SSBP2: variants seen among roughly 807,000 people sequenced by gnomAD.
SSBP2 encodes single-stranded DNA-binding protein 2.
Under a neutral mutation model 61.8 loss-of-function variants are expected in SSBP2, and 17 were observed. The ratio of observed to expected loss-of-function variants is 0.28; its 90% CI spans 0.19 to 0.41. The LOEUF is 0.41. Among genes scored for constraint, SSBP2 ranks in the 10% least tolerant of loss-of-function variants. SSBP2 has a pLI of 1.00. For synonymous variants in SSBP2, 139 were observed against 141.3 expected, an observed-to-expected ratio of 0.98 and a Z score of 0.12; for missense variants, 310 against 458.7, an observed-to-expected ratio of 0.68 and a Z score of 2.96.
At chr5:81,718,986 T>G (rs140344074) in intron 1 of SSBP2, among the ~76,000 whole-genome samples, 1 of 152,248 alleles carries the variant, frequency 6.6e-6, no homozygotes, top group East Asian at 1.9e-4. Context: ...AACACTAAAT[T>G]TTTGGGGGTT....
At chr5:81,733,591 ATTG>A (rs1756407153) in intron 1 of SSBP2, among the ~76,000 whole-genome samples, 1 of 152,230 alleles carries the variant, frequency 6.6e-6, no homozygotes, top group African/African-American at 2.4e-5. Context: ...AGCCCCAGGA[ATTG>A]TTGTCTTTAA....
At chr5:81,697,016 A>G (rs1753648633) in intron 1 of SSBP2, among the ~76,000 whole-genome samples, 1 of 152,252 alleles carries the variant, frequency 6.6e-6, no homozygotes, top group Admixed American at 6.5e-5. Flanking sequence ...CAGTTAAGAA[A>G]GAATACAGGG....
chr5:81,574,019 T>C (rs1774023186), intron 4 of SSBP2, among the ~76,000 whole-genome samples: 1 of 152,054 alleles, frequency 6.6e-6, no homozygotes, highest in Non-Finnish European at 1.5e-5. Context: ...TGGGTGCCTG[T>C]AGTCCCAGCT....
intron 4 of SSBP2, among the ~76,000 whole-genome samples, chr5:81,528,271 A>AGTATCTTAAATCTAAG (rs1395010261): frequency 3.9e-5 from 6 of 152,202 alleles, no homozygotes; most frequent in Non-Finnish European, 2.9e-5. Context: ...AGAATTAATA[A>AGTATCTTAAATCTAAG]GTATCTTAAA....
chr5:81,556,209 T>C (rs1031049644), intron 4 of SSBP2, among the ~76,000 whole-genome samples: 6 of 152,242 alleles, frequency 3.9e-5, no homozygotes, highest in African/African-American at 1.2e-4. Flanking sequence ...GACCTTTTCC[T>C]ACCAATACAG....
At chr5:81,701,226 G>A (rs929222929) in intron 1 of SSBP2, among the ~76,000 whole-genome samples, 2 of 152,116 alleles carry the variant, frequency 1.3e-5, no homozygotes, top group Non-Finnish European at 2.9e-5. Context: ...GAAGAGAGAT[G>A]GGAAACAGCT....
intron 3 of SSBP2, among the ~76,000 whole-genome samples, chr5:81,632,927 A>C (rs1747862313): frequency 6.6e-6 from 1 of 152,096 alleles, no homozygotes; most frequent in Admixed American, 6.5e-5. Flanking sequence ...TCAGCTTTAT[A>C]AGTCATTGAT....
intron 5 of SSBP2, among the ~76,000 whole-genome samples, chr5:81,507,855 C>T (rs1459654625): frequency 1.3e-5 from 2 of 152,048 alleles, no homozygotes; most frequent in Non-Finnish European, 2.9e-5. Flanking sequence ...AGTTAATAAT[C>T]TAATTTTTTA....
At chr5:81,532,140 G>A (rs961541110) in intron 4 of SSBP2, among the ~76,000 whole-genome samples, 2 of 152,052 alleles carry the variant, frequency 1.3e-5, no homozygotes, top group Non-Finnish European at 2.9e-5. Context: ...TGTTGGAAAT[G>A]TACACCTAAA....
chr5:81,598,150 G>C (rs906816742), intron 4 of SSBP2, among the ~76,000 whole-genome samples: 1 of 151,708 alleles, frequency 6.6e-6, no homozygotes, highest in African/African-American at 2.4e-5. Context: ...TATCAAGCAA[G>C]GAACAAAATC....
At chr5:81,555,389 A>T (rs1285617418) in intron 4 of SSBP2, among the ~76,000 whole-genome samples, 2 of 152,048 alleles carry the variant, frequency 1.3e-5, no homozygotes, top group Non-Finnish European at 2.9e-5. Flanking sequence ...ATTTTCAGGG[A>T]CTACTCATAT....
intron 4 of SSBP2, among the ~76,000 whole-genome samples, chr5:81,534,093 C>G (rs551075905): frequency 6.6e-6 from 1 of 152,182 alleles, no homozygotes; most frequent in Admixed American, 6.5e-5. Flanking sequence ...TCAAATCCAG[C>G]CCACTCTAGC....
intron 4 of SSBP2, among the ~76,000 whole-genome samples, chr5:81,605,212 T>C (rs188746143): frequency 1.1e-3 from 174 of 152,212 alleles, no homozygotes; most frequent in African/African-American, 3.9e-3. Flanking sequence ...AGCACCACTA[T>C]AGTAAAATAA....
intron 3 of SSBP2, among the ~76,000 whole-genome samples, chr5:81,631,075 T>C (rs1747660199): frequency 6.6e-6 from 1 of 152,316 alleles, no homozygotes; most frequent in Non-Finnish European, 1.5e-5. Flanking sequence ...ACAGGCTAGA[T>C]CTGGATATCA....
intron 1 of SSBP2, among the ~76,000 whole-genome samples, chr5:81,705,967 C>T (rs1754355021): frequency 6.6e-6 from 1 of 152,168 alleles, no homozygotes; most frequent in African/African-American, 2.4e-5. Context: ...ACACAACTAC[C>T]AATCAACCCA....
intron 6 of SSBP2, among the ~76,000 whole-genome samples, chr5:81,476,366 G>A (rs752137188): frequency 6.6e-6 from 1 of 151,984 alleles, no homozygotes; most frequent in Non-Finnish European, 1.5e-5. Context: ...ACATTTAGTT[G>A]TCCTGTCTCT....
chr5:81,427,018 T>C (rs1043993208), intron 16 of SSBP2, among the ~76,000 whole-genome samples: 23 of 152,220 alleles, frequency 1.5e-4, no homozygotes, highest in Admixed American at 5.2e-4. Context: ...GGTGTTATAT[T>C]TATTTCAGAA....
At chr5:81,465,694 G>A (rs1271708400) in intron 9 of SSBP2, among the ~76,000 whole-genome samples, 1 of 151,952 alleles carries the variant, frequency 6.6e-6, no homozygotes, top group African/African-American at 2.4e-5. Context: ...ATGTGGGTAT[G>A]TTTTATATAC....
intron 12 of SSBP2, among the ~76,000 whole-genome samples, chr5:81,445,138 T>TTATATACATA (rs1763302255): frequency 5.9e-5 from 2 of 33,896 alleles, no homozygotes; most frequent in African/African-American, 2.1e-4. Context: ...AAAAAAAATT[T>TTATATACATA]TATATATATA....
Sources: allele counts gnomAD v4.1 joint callset (sites outside exome capture counted in the v4.1 genomes callset), GRCh38; gene constraint gnomAD v4.1.1; transcripts MANE v1.5; gene names NCBI Gene and HGNC (gene_info 2026-07-23, HGNC 2026-07-21).